ATP9A: variants seen among roughly 807,000 people sequenced by gnomAD.
ATP9A encodes probable phospholipid-transporting ATPase IIA.
Under a neutral mutation model 144.1 loss-of-function variants are expected in ATP9A, and 52 were observed. The ratio of observed to expected loss-of-function variants is 0.36; its 90% confidence interval spans 0.29 to 0.45. The LOEUF is 0.45. ATP9A is among the 20% of genes least tolerant of loss of function. The pLI, the probability that ATP9A is intolerant of heterozygous loss-of-function variation, is 1.00. For missense variants in ATP9A, 947 were observed against 1,392.7 expected (o/e 0.68, Z 5.09); for synonymous variants, 582 against 557.4 (o/e 1.04, Z -0.62).
At chr20:51,601,465 A>T in intron 27 of ATP9A, 118 bp from the exon 28 acceptor site, 1 of 1,104,846 alleles carries the variant, frequency 9.1e-7, no homozygotes, top group Non-Finnish European at 1.2e-6. Flanking sequence ...ACAAACCCAC[A>T]GCCTCCTGGC....
At chr20:51,637,056 A>G (rs1171749580) in intron 15 of ATP9A, among the ~76,000 whole-genome samples, 2 of 152,300 alleles carry the variant, frequency 1.3e-5, no homozygotes, top group East Asian at 3.9e-4. Context: ...GCACCGCTGT[A>G]CTCCAGCCTG....
At chr20:51,620,787 A>C (rs556849987) in intron 19 of ATP9A, among the ~76,000 whole-genome samples, 1 of 152,114 alleles carries the variant, frequency 6.6e-6, no homozygotes, top group Non-Finnish European at 1.5e-5. Context: ...CGGGGCTGAA[A>C]GGAGGGGGGA....
intron 1 of ATP9A, among the ~76,000 whole-genome samples, chr20:51,744,265 AAG>A (rs2077798050): frequency 6.6e-6 from 1 of 152,072 alleles, no homozygotes; most frequent in Admixed American, 6.6e-5. Context: ...TCCCAGGCTC[AAG>A]TGATCCTCCC....
At chr20:51,763,143 T>C (rs1387334645) in intron 1 of ATP9A, among the ~76,000 whole-genome samples, 1 of 151,982 alleles carries the variant, frequency 6.6e-6, no homozygotes, top group Non-Finnish European at 1.5e-5. Flanking sequence ...GGCAAACCTA[T>C]GGAATCAGAA....
intron 13 of ATP9A, among the ~76,000 whole-genome samples, chr20:51,657,591 G>A (rs1037494641): frequency 1.3e-5 from 2 of 152,270 alleles, no homozygotes; most frequent in East Asian, 3.9e-4. Context: ...TGCGCTGGAC[G>A]CCAGCAGCAC....
At chr20:51,623,298 C>T (rs1451581693) in intron 18 of ATP9A, among the ~76,000 whole-genome samples, 1 of 152,112 alleles carries the variant, frequency 6.6e-6, no homozygotes, top group African/African-American at 2.4e-5. Flanking sequence ...TCCAGAAAAG[C>T]ATGAAAAGAA....
intron 4 of ATP9A, among the ~76,000 whole-genome samples, chr20:51,704,287 G>A (rs2077606123): frequency 6.6e-6 from 1 of 150,976 alleles, no homozygotes; most frequent in African/African-American, 2.4e-5. Context: ...ATGGTGCCCA[G>A]AAATGATGAA....
chr20:51,671,263 C>G lies in ATP9A; in HGVS notation c.1038-6G>C. Reference sequence around the variant, plus strand: ...TGTCCAGGTTCACACGCAAACTAGGCACAAAACCAGAGCAAACAGGCTAAC... The same window carrying G: ...TGTCCAGGTTCACACGCAAACTAGGGACAAAACCAGAGCAAACAGGCTAAC... On this transcript the variant is annotated splice_polypyrimidine_tract_variant and splice_region_variant and intron_variant, in intron 11 of 27. Coordinates refer to ENST00000338821, the MANE Select transcript of ATP9A (RefSeq NM_006045.3). 1 of 1,611,378 alleles carries G rather than the reference C, an allele frequency of 6.2e-7. No individual in the cohort carries two copies.
intron 1 of ATP9A, among the ~76,000 whole-genome samples, chr20:51,767,453 G>A (rs921444066): frequency 2.0e-5 from 3 of 148,116 alleles, no homozygotes; most frequent in Admixed American, 6.9e-5. Flanking sequence ...GGCGATACGA[G>A]AGCCCCGCAA....
At chr20:51,607,431 G>T in intron 26 of ATP9A, 96 bp downstream of exon 26, 1 of 1,155,508 alleles carries the variant, frequency 8.7e-7, no homozygotes, top group Non-Finnish European at 1.3e-6. Flanking sequence ...TGCTATTTCA[G>T]ATTCGTTTCT....
intron 1 of ATP9A, among the ~76,000 whole-genome samples, chr20:51,745,972 T>C (rs1031669131): frequency 2.6e-5 from 4 of 152,146 alleles, no homozygotes; most frequent in Admixed American, 6.5e-5. Flanking sequence ...ATGTAGTACA[T>C]ATGCACATGG....
chr20:51,734,785 A>C (rs566049197), intron 1 of ATP9A: 12 of 216,072 alleles, frequency 5.6e-5, no homozygotes, highest in Middle Eastern at 5.4e-3. Context: ...ATGCAGGCCA[A>C]CACCACCAAG....
chr20:51,730,821 A>G (rs1003188707), intron 1 of ATP9A, among the ~76,000 whole-genome samples: 2 of 152,206 alleles, frequency 1.3e-5, no homozygotes, highest in African/African-American at 4.8e-5. Context: ...ACTGTTATAT[A>G]TGTGGTCTGT....
intron 14 of ATP9A, among the ~76,000 whole-genome samples, chr20:51,650,864 CACAT>C (rs1295836817): frequency 4.6e-5 from 7 of 151,576 alleles, no homozygotes; most frequent in Non-Finnish European, 1.0e-4. Flanking sequence ...CATGTGCACA[CACAT>C]ACTAACATGG....
Position 51,689,085 on chromosome 20 carries a change from C to T in ATP9A, c.778G>A (p.Ala260Thr). The T allele has an allele frequency of 6.2e-7, 1 of 1,614,110 alleles. No homozygotes were observed. Among genetic ancestry groups the T allele is most frequent in the East Asian group, 2.2e-5 (1 of 44,884 alleles). The change falls in exon 9 of 28, where the codon GCT becomes ACT. Residue 260 changes from alanine to threonine, a missense_variant. By Grantham distance (58) the Ala-to-Thr change is moderately conservative. Around this residue, in one of 2 missense-constraint regions of ATP9A, gnomAD observed 770 missense variants for 1,047.9 expected, o/e 0.73. Transcript: ENST00000338821. ...ESLSIENTLW[A>T]GTVVASGTVV... ...TCACCTGATGCGACCACAGTGCCAG[C>T]CCACAGCGTGTTCTCTATGCTCAGG...
intron 9 of ATP9A, among the ~76,000 whole-genome samples, chr20:51,685,448 G>C (rs2077519074): frequency 6.6e-6 from 1 of 152,020 alleles, no homozygotes; most frequent in African/African-American, 2.4e-5. Flanking sequence ...TATAATCCCA[G>C]CTACTCGGGA....
At chr20:51,615,628 T>G (rs80051199) in intron 22 of ATP9A, among the ~76,000 whole-genome samples, 8,486 of 152,262 alleles carry the variant, frequency 0.056, 288 homozygotes, top group African/African-American at 0.089. Flanking sequence ...GTTTTACTTC[T>G]AGATTCTTTT....
chr20:51,695,355 C>T (rs900259032), intron 6 of ATP9A, among the ~76,000 whole-genome samples: 8 of 148,998 alleles, frequency 5.4e-5, no homozygotes, highest in South Asian at 2.2e-4. Flanking sequence ...TGGTGGTGCA[C>T]GGGAGGCTGA....
At chr20:51,646,309 TC>T (rs1466381401) in intron 14 of ATP9A, among the ~76,000 whole-genome samples, 1 of 152,178 alleles carries the variant, frequency 6.6e-6, no homozygotes. Context: ...AGCCTTGAAT[TC>T]TTGTCAAAAG....
Sources: gnomAD v4.1 joint callset for allele counts (sites outside exome capture counted in the v4.1 genomes callset) on GRCh38, gnomAD v4.1.1 for gene constraint, gnomAD v4.1.1 regional missense constraint, MANE v1.5 for transcripts, NCBI Gene and HGNC (gene_info 2026-07-23, HGNC 2026-07-21) for gene names.